Variants in MRPL35 observed in about 807,000 individuals in gnomAD.
MRPL35 encodes large ribosomal subunit protein bL35m.
MRPL35 carries 18 observed loss-of-function variants against 21.6 expected under a neutral mutation model. The ratio of observed to expected loss-of-function variants is 0.83; its 90% CI spans 0.58 to 1.24. The LOEUF is 1.24. Ranked by LOEUF, MRPL35 falls within the 50% of genes most tolerant of loss-of-function variation. The probability of loss-of-function intolerance (pLI) is 0.00; values close to 1 mark genes in which losing one functional copy is unlikely to be tolerated. For synonymous variants in MRPL35, 87 were observed against 86.9 expected (o/e 1.00, Z -0.01); for missense variants, 223 against 223.2 (o/e 1.00, Z 0.01).
chr2:86,204,788 A>G (rs950363067), intron 1 of MRPL35, among the ~76,000 whole-genome samples: 26 of 152,194 alleles, frequency 1.7e-4, no homozygotes, highest in South Asian at 4.1e-4. Flanking sequence ...CCATACATGT[A>G]CAGTTGACCC....
rs77872016 is a variant in MRPL35, at chr2:86,213,165, A to G, written c.*2497A>G. On this transcript the variant is annotated 3_prime_UTR_variant, in exon 4 of 4. Transcript: ENST00000337109. Reference sequence around the variant, plus strand: ...TGAGTCTTCTAACATATGAAAATTCATATCTAAATCAACAAGTGACTGTAA... The same window carrying G: ...TGAGTCTTCTAACATATGAAAATTCGTATCTAAATCAACAAGTGACTGTAA... The G allele has an allele frequency of 1.0e-3, 1,018 of 987,268 alleles. 16 individuals carry two copies. In the African/African-American group the frequency reaches 0.017, roughly 16 times the overall value. 61.2% of individuals were successfully genotyped at this position (987,268 alleles called of 1,614,324 possible).
Position 86,212,776 on chromosome 2 carries a change from G to A in MRPL35, c.*2108G>A. On this transcript the variant is annotated 3_prime_UTR_variant, in exon 4 of 4. Coordinates refer to ENST00000337109, the MANE Select transcript of MRPL35 (RefSeq NM_016622.4). ...CATACGATTTTTGTTTTGTGGGTAG[G>A]AGGGCTTATCATCAACACTGATTTT... 9.1e-7 allele frequency: 1 copy of A among 1,093,358 alleles called. No individual in the cohort carries two copies. Among genetic ancestry groups the A allele is most frequent in the Non-Finnish European group, 1.1e-6 (1 of 900,366 alleles). 67.7% of individuals were successfully genotyped at this position (1,093,358 alleles called of 1,614,324 possible). A position where few individuals can be genotyped will look rare whatever the true frequency, so the allele number is the denominator to read the frequency against.
chr2:86,212,342 A>G lies in MRPL35; in HGVS notation c.*1674A>G. 1.2e-6 allele frequency: 2 copies of G among 1,609,612 alleles called. No homozygotes were observed. The highest frequency in any genetic ancestry group is 8.5e-7 in the Non-Finnish European group (1 of 1,178,052). ...TATGGGACCAATAAATAAAGAACAG[A>G]CATTTGATTTGAGGTGAGGTAAAAG... On this transcript the variant is annotated 3_prime_UTR_variant, in exon 4 of 4. Coordinates refer to ENST00000337109, the MANE Select transcript of MRPL35 (RefSeq NM_016622.4).
Position 86,211,702 on chromosome 2 carries a change from C to G in MRPL35, c.*1034C>G. The G allele has an allele frequency of 1.0e-6, 1 of 984,984 alleles. No homozygotes were observed. The highest frequency in any genetic ancestry group is 5.2e-4 in the Middle Eastern group (1 of 1,914). The allele number at this position is 984,984 out of a possible 1,614,324, so 61.0% of individuals were successfully genotyped here. A position where few individuals can be genotyped will look rare whatever the true frequency, so the allele number is the denominator to read the frequency against. Reference sequence around the variant, plus strand: ...TTTTTCTAGAGACAGGAGTTTTGCTCTGTTGCCCAGGCTGGAGTGCAGTGG... The same window carrying G: ...TTTTTCTAGAGACAGGAGTTTTGCTGTGTTGCCCAGGCTGGAGTGCAGTGG... On this transcript the variant is annotated 3_prime_UTR_variant, in exon 4 of 4. Transcript: ENST00000337109.
chr2:86,213,293 C>T lies in MRPL35; in HGVS notation c.*2625C>T. On this transcript the variant is annotated 3_prime_UTR_variant, in exon 4 of 4. Transcript: ENST00000337109. ...TTCCTGTCCTTTGCCAACTCTTAAC[C>T]TAGTTAATCCTAGTTCTGTTGACAT... 1 of 1,126,088 alleles carries T rather than the reference C, an allele frequency of 8.9e-7. No individual in the cohort carries two copies. The allele number at this position is 1,126,088 out of a possible 1,614,324, so 69.8% of individuals were successfully genotyped here. A position where few individuals can be genotyped will look rare whatever the true frequency, so the allele number is the denominator to read the frequency against.
rs1573974723 is a variant in MRPL35 at position 86,212,852 on chromosome 2, C to T, written c.*2184C>T. 2.5e-5 allele frequency: 23 copies of T among 927,926 alleles called. No individual in the cohort carries two copies. The highest frequency in any genetic ancestry group is 1.5e-4 in the South Asian group (3 of 20,012). 57.5% of individuals were successfully genotyped at this position (927,926 alleles called of 1,614,324 possible). A position where few individuals can be genotyped will look rare whatever the true frequency, so the allele number is the denominator to read the frequency against. ...TTAAAGAGTTTACCTAAATGATGTTCGATTATATGTATAATTTATAAAATA... is the reference window on the plus strand; with the variant it reads ...TTAAAGAGTTTACCTAAATGATGTTTGATTATATGTATAATTTATAAAATA... On this transcript the variant is annotated 3_prime_UTR_variant, in exon 4 of 4. Transcript: ENST00000337109.
chr2:86,204,116 C>G (rs963967722), intron 1 of MRPL35, among the ~76,000 whole-genome samples: 10 of 152,014 alleles, frequency 6.6e-5, no homozygotes, highest in African/African-American at 2.4e-4. Flanking sequence ...TCCTGAGTAG[C>G]TGGGATTATA....
At chr2:86,204,418 CTTT>C (rs773735586) in intron 1 of MRPL35, among the ~76,000 whole-genome samples, 1 of 112,716 alleles carries the variant, frequency 8.9e-6, no homozygotes, top group Non-Finnish European at 1.9e-5. Context: ...AGCTTTAGGA[CTTT>C]TTTTTTTTTT....
At chr2:86,202,983 G>A (rs1464833394) in intron 1 of MRPL35, among the ~76,000 whole-genome samples, 8 of 151,994 alleles carry the variant, frequency 5.3e-5, no homozygotes, top group Admixed American at 4.6e-4. Flanking sequence ...ACCACACCTG[G>A]CCCTGTTATC....
intron 1 of MRPL35, among the ~76,000 whole-genome samples, chr2:86,200,431 T>C (rs2105832417): frequency 6.6e-6 from 1 of 152,302 alleles, no homozygotes; most frequent in Middle Eastern, 3.4e-3. Flanking sequence ...CTCTCCCCTA[T>C]GTATCAAAAT....
intron 2 of MRPL35, 81 bp from the exon 3 acceptor site, chr2:86,207,102 C>T: frequency 3.7e-6 from 5 of 1,363,778 alleles, no homozygotes; most frequent in Non-Finnish European, 5.0e-6. Flanking sequence ...AGCAGCTTTA[C>T]TCATTTCTCA....
intron 3 of MRPL35, 85 bp from the exon 4 acceptor site, chr2:86,210,395 T>C: frequency 8.9e-7 from 1 of 1,125,620 alleles, no homozygotes; most frequent in Non-Finnish European, 1.2e-6. Flanking sequence ...TTTGTTCTTA[T>C]TGGGTCTATA....
Position 86,213,475 on chromosome 2 carries a change from T to A in MRPL35, c.*2807T>A. 7.5e-7 allele frequency: 1 copy of A among 1,334,814 alleles called. No individual in the cohort carries two copies. Among genetic ancestry groups the A allele is most frequent in the Non-Finnish European group, 9.7e-7 (1 of 1,033,928 alleles). 82.7% of individuals were successfully genotyped at this position (1,334,814 alleles called of 1,614,324 possible). Reference sequence around the variant, plus strand: ...TACAGGACTAAAAATGCAAAGAAATTGGGTCTGTGTTTAATTTTGATGTTT... The same window carrying A: ...TACAGGACTAAAAATGCAAAGAAATAGGGTCTGTGTTTAATTTTGATGTTT... On this transcript the variant is annotated 3_prime_UTR_variant, in exon 4 of 4. Transcript: ENST00000337109.
Position 86,211,057 on chromosome 2 carries a change from C to G in MRPL35, c.*389C>G. On this transcript the variant is annotated 3_prime_UTR_variant, in exon 4 of 4. Transcript: ENST00000337109. ...AGGAACCACCTCACCAACCCCATCT[C>G]CCACTCAGAAATCACCTCCCAGCCT... The G allele has an allele frequency of 1.0e-6, 1 of 988,812 alleles. No individual in the cohort carries two copies. The highest frequency in any genetic ancestry group is 1.2e-6 in the Non-Finnish European group (1 of 832,214). The allele number at this position is 988,812 out of a possible 1,614,324, so 61.3% of individuals were successfully genotyped here.
At chr2:86,199,956 G>A (rs1056414715) in intron 1 of MRPL35, among the ~76,000 whole-genome samples, 1 of 152,182 alleles carries the variant, frequency 6.6e-6, no homozygotes, top group African/African-American at 2.4e-5. Context: ...GGGATTAAAT[G>A]AGATAATGCA....
Position 86,199,537 on chromosome 2 carries a change from A to G in MRPL35, c.43+4A>G. On this transcript the variant is annotated splice_donor_region_variant and intron_variant, in intron 1 of 3. Transcript: ENST00000337109. ...GGTGCAGTGAGAGCAGCTTCAGGTCAGTGGAGAGCGACATACTCCATGCAT... is the reference window on the plus strand; with the variant it reads ...GGTGCAGTGAGAGCAGCTTCAGGTCGGTGGAGAGCGACATACTCCATGCAT... 6.2e-7 allele frequency: 1 copy of G among 1,614,178 alleles called. No individual in the cohort carries two copies. Among genetic ancestry groups the G allele is most frequent in the East Asian group, 2.2e-5 (1 of 44,884 alleles).
Position 86,211,756 on chromosome 2 carries a change from C to T in MRPL35, c.*1088C>T, listed in dbSNP as rs749133889. On this transcript the variant is annotated 3_prime_UTR_variant, in exon 4 of 4. Transcript: ENST00000337109. ...AATCATAGCTCATTGAAGCCTCGCA[C>T]TCCTGGGCTCAAGTGGTCCTCCTGC... 61 of 983,336 alleles carry T rather than the reference C, an allele frequency of 6.2e-5. No homozygotes were observed. Among genetic ancestry groups the T allele is most frequent in the Non-Finnish European group, 7.2e-5 (60 of 828,174 alleles). 60.9% of individuals were successfully genotyped at this position (983,336 alleles called of 1,614,324 possible). A position where few individuals can be genotyped will look rare whatever the true frequency, so the allele number is the denominator to read the frequency against.
Position 86,210,948 on chromosome 2 carries a change from G to A in MRPL35, c.*280G>A. On this transcript the variant is annotated 3_prime_UTR_variant, in exon 4 of 4. Coordinates refer to ENST00000337109, the MANE Select transcript of MRPL35 (RefSeq NM_016622.4). ...CTCTTTTAGTTGCAAGGAATCTCAA[G>A]TGGGACAAACATAAAAAGACTCAAA... 1 of 1,058,314 alleles carries A rather than the reference G, an allele frequency of 9.4e-7. No individual in the cohort carries two copies. The highest frequency in any genetic ancestry group is 1.1e-6 in the Non-Finnish European group (1 of 876,998). The allele number at this position is 1,058,314 out of a possible 1,614,324, so 65.6% of individuals were successfully genotyped here.
At chr2:86,208,848 A>G (rs1673851581) in intron 3 of MRPL35, among the ~76,000 whole-genome samples, 1 of 152,236 alleles carries the variant, frequency 6.6e-6, no homozygotes, top group Non-Finnish European at 1.5e-5. Context: ...TCAGAGAAAA[A>G]AAAAATCTGG....
Sources: gnomAD v4.1 joint callset for allele counts (sites outside exome capture counted in the v4.1 genomes callset) on GRCh38, gnomAD v4.1.1 for gene constraint, MANE v1.5 for transcripts, NCBI Gene and HGNC (gene_info 2026-07-23, HGNC 2026-07-21) for gene names.